The following SEL1L2 variants were observed in gnomAD, a reference collection of about 807,000 sequenced individuals.
The protein encoded by SEL1L2 is SEL1L2 adaptor subunit of SYVN1 ubiquitin ligase, also known as protein sel-1 homolog 2.
A neutral mutation model predicts 98.8 loss-of-function variants in SEL1L2; 89 were observed. That is an observed-to-expected ratio of 0.90 (90% confidence interval 0.76 to 1.07). SEL1L2 has a LOEUF of 1.07. Among genes scored for constraint, SEL1L2 ranks in the 50% least tolerant of loss-of-function variants. SEL1L2 has a pLI of 0.00. For missense variants in SEL1L2, 788 were observed against 812.0 expected, an observed-to-expected ratio of 0.97 and a Z score of 0.36; for synonymous variants, 262 against 278.5, an observed-to-expected ratio of 0.94 and a Z score of 0.59.
At chr20:13,855,049 CAAAAAA>C (rs71188190) in intron 18 of SEL1L2, among the ~76,000 whole-genome samples, 1 of 81,096 alleles carries the variant, frequency 1.2e-5, no homozygotes, top group East Asian at 3.8e-4. Flanking sequence ...GACTCCGTCT[CAAAAAA>C]AAAAAAAAAA....
At chr20:13,965,296 G>A (rs2050989605) in intron 1 of SEL1L2, among the ~76,000 whole-genome samples, 1 of 152,208 alleles carries the variant, frequency 6.6e-6, no homozygotes, top group African/African-American at 2.4e-5. Context: ...CTGGCAACGA[G>A]GATGATTCTA....
At chr20:13,918,351 C>T (rs2048501055) in intron 4 of SEL1L2, among the ~76,000 whole-genome samples, 1 of 152,046 alleles carries the variant, frequency 6.6e-6, no homozygotes. Flanking sequence ...GAGGGGTGAC[C>T]ACAGGTTGTG....
intron 5 of SEL1L2, among the ~76,000 whole-genome samples, chr20:13,894,183 A>G (rs1277885864): frequency 1.3e-5 from 2 of 152,202 alleles, no homozygotes; most frequent in African/African-American, 2.4e-5. Context: ...AGGAAGTACT[A>G]AAGATTAGAG....
intron 5 of SEL1L2, among the ~76,000 whole-genome samples, chr20:13,901,793 C>G (rs1402999946): frequency 1.3e-5 from 2 of 151,898 alleles, no homozygotes; most frequent in Non-Finnish European, 2.9e-5. Flanking sequence ...TCCGGAGTAG[C>G]TGGGATTATA....
At chr20:13,948,131 C>T (rs1000638183) in intron 2 of SEL1L2, among the ~76,000 whole-genome samples, 4 of 152,226 alleles carry the variant, frequency 2.6e-5, no homozygotes, top group African/African-American at 9.6e-5. Flanking sequence ...GTGACAGAAA[C>T]ACACCTTGTG....
intron 12 of SEL1L2, among the ~76,000 whole-genome samples, chr20:13,871,784 T>C (rs2046210800): frequency 6.6e-6 from 1 of 152,148 alleles, no homozygotes. Context: ...AGTGGTGGGA[T>C]TACAGGCGTG....
At chr20:13,985,186 A>G (rs1215586670) in intron 1 of SEL1L2, among the ~76,000 whole-genome samples, 1 of 152,108 alleles carries the variant, frequency 6.6e-6, no homozygotes, top group Non-Finnish European at 1.5e-5. Context: ...TTCTTCAAGG[A>G]GTAAACCTGA....
chr20:13,980,300 CT>C (rs1283367173), intron 1 of SEL1L2, among the ~76,000 whole-genome samples: 2 of 152,226 alleles, frequency 1.3e-5, no homozygotes, highest in African/African-American at 4.8e-5. Flanking sequence ...ACTGCAACCT[CT>C]GCCTCCTGGG....
Position 13,929,367 on chromosome 20 carries a change from C to T in SEL1L2, c.283+2236G>A, listed in dbSNP as rs182821765. Among the ~76,000 whole-genome samples the T allele has an allele frequency of 3.0e-4, 46 of 151,640 alleles. No individual in the cohort carries two copies. In the East Asian group the frequency reaches 7.8e-3, roughly 26 times the overall value. The stretch of plus-strand genomic sequence containing the variant: ...TTACTCTTAAGATTCTGAAACTTCA[C>T]TTTTACTAACTATGCTTCTACTGTG... On this transcript the variant is annotated intron_variant, in intron 3 of 19. Transcript: ENST00000284951.
At chr20:13,938,183 C>T (rs12625442) in intron 2 of SEL1L2, among the ~76,000 whole-genome samples, 32,665 of 150,964 alleles carry the variant, frequency 0.22, 4,026 homozygotes, top group African/African-American at 0.34. Flanking sequence ...TGGGTTCAAG[C>T]GATTCTCTTG....
chr20:13,871,336 G>A (rs757103447), intron 12 of SEL1L2, among the ~76,000 whole-genome samples: 4 of 152,098 alleles, frequency 2.6e-5, no homozygotes, highest in Non-Finnish European at 4.4e-5. Context: ...GGAGTATTTA[G>A]CACATTTAGT....
At chr20:13,984,842 T>G (rs997372106) in intron 1 of SEL1L2, among the ~76,000 whole-genome samples, 3 of 152,182 alleles carry the variant, frequency 2.0e-5, no homozygotes, top group Non-Finnish European at 4.4e-5. Context: ...ATTGTACATA[T>G]ACGGAGCACA....
intron 3 of SEL1L2, among the ~76,000 whole-genome samples, chr20:13,925,446 A>G (rs979888210): frequency 1.3e-5 from 2 of 152,220 alleles, no homozygotes; most frequent in Non-Finnish European, 2.9e-5. Context: ...TTTCCCTGTG[A>G]GAGCTTCGGT....
At chr20:13,988,158 G>T (rs973213496) in intron 1 of SEL1L2, among the ~76,000 whole-genome samples, 1 of 151,558 alleles carries the variant, frequency 6.6e-6, no homozygotes, top group South Asian at 2.1e-4. Context: ...TATGAGGTAT[G>T]AGGTGGGGGT....
In SEL1L2 at chr20:13,876,069, G is replaced by T. The variant is rs1276043129; in HGVS notation, c.1073C>A (p.Ala358Asp). The change falls in exon 12 of 20, where the codon GCC (alanine) becomes GAC (aspartate). Residue 358 changes from alanine to aspartate, a missense_variant. Ala to Asp is a moderately radical substitution (Grantham distance 126, BLOSUM62 -2). Transcript: ENST00000284951. ...GGCTGCCATGGAAAAGTACTTGAAG[G>T]CAGTAGCGTTATTTTGCGGCACGGC... ...NAAVPQNNAT[A>D]FKYFSMAASK... The T allele has an allele frequency of 6.2e-7, 1 of 1,613,910 alleles. No individual in the cohort carries two copies. The highest frequency in any genetic ancestry group is 8.5e-7 in the Non-Finnish European group (1 of 1,179,760).
chr20:13,951,276 C>CAAAAAA (rs764034768), intron 2 of SEL1L2, among the ~76,000 whole-genome samples: 8 of 25,492 alleles, frequency 3.1e-4, no homozygotes, highest in African/African-American at 6.2e-4. Flanking sequence ...GACTCCGTCT[C>CAAAAAA]AAAAAAAAAA....
At chr20:13,905,556 C>T (rs1229585800) in intron 5 of SEL1L2, among the ~76,000 whole-genome samples, 1 of 151,944 alleles carries the variant, frequency 6.6e-6, no homozygotes, top group Non-Finnish European at 1.5e-5. Context: ...CCTCATGATC[C>T]GCCCTCCTTG....
chr20:13,862,768 G>T (rs1990366253), intron 17 of SEL1L2, among the ~76,000 whole-genome samples: 1 of 151,904 alleles, frequency 6.6e-6, no homozygotes. Flanking sequence ...GCTCACTGCA[G>T]CCTCAATCTC....
At chr20:13,973,688 T>C (rs532788050) in intron 1 of SEL1L2, among the ~76,000 whole-genome samples, 3 of 152,360 alleles carry the variant, frequency 2.0e-5, no homozygotes, top group Admixed American at 2.0e-4. Flanking sequence ...GACTATCTAC[T>C]GCACACTTTA....
Sources: gnomAD v4.1 joint callset for allele counts (sites outside exome capture counted in the v4.1 genomes callset) on GRCh38, gnomAD v4.1.1 for gene constraint, MANE v1.5 for transcripts, NCBI Gene and HGNC (gene_info 2026-07-23, HGNC 2026-07-21) for gene names.